Variants in PCNX2 observed in about 807,000 individuals in gnomAD.
PCNX2 encodes the protein pecanex 2.
Under a neutral mutation model 223.8 loss-of-function variants are expected in PCNX2, and 168 were observed. The observed-to-expected ratio is 0.75, with a 90% CI of 0.66 to 0.85. The LOEUF (loss-of-function observed/expected upper bound fraction) is 0.85. PCNX2 is among the 40% of genes least tolerant of loss of function. PCNX2 has a pLI of 0.00. For missense variants in PCNX2, 2,507 were observed against 2,675.5 expected, an observed-to-expected ratio of 0.94 and a Z score of 1.39; for synonymous variants, 1,006 against 1,052.6, an observed-to-expected ratio of 0.96 and a Z score of 0.86.
rs141102546 is a variant in PCNX2 at position 233,117,021 on chromosome 1, A to G, written c.3837+17992T>C. On this transcript the variant is annotated intron_variant, in intron 21 of 33. Transcript: ENST00000258229. ...TATGAACAACAACACATAGTACAAC[A>G]GAACAATAGTAAATTTGTCAATTTA... Among the ~76,000 whole-genome samples the G allele has an allele frequency of 1.8e-3, 269 of 152,354 alleles. 2 individuals carry two copies. Among genetic ancestry groups the G allele is most frequent in the Middle Eastern group, 6.8e-3 (2 of 294 alleles).
chr1:233,184,652 T>C (rs935368897), intron 15 of PCNX2, among the ~76,000 whole-genome samples: 2 of 152,224 alleles, frequency 1.3e-5, no homozygotes, highest in Non-Finnish European at 2.9e-5. Context: ...GTTTCTGTCC[T>C]ATATTAGTAG....
At chr1:233,078,022 A>C (rs1052925646) in intron 23 of PCNX2, among the ~76,000 whole-genome samples, 4 of 152,236 alleles carry the variant, frequency 2.6e-5, no homozygotes, top group African/African-American at 9.6e-5. Flanking sequence ...CTGTGTACCA[A>C]GAAGCAGCAA....
chr1:233,003,953 G>T (rs988947331), intron 28 of PCNX2, among the ~76,000 whole-genome samples: 1 of 152,066 alleles, frequency 6.6e-6, no homozygotes, highest in South Asian at 2.1e-4. Flanking sequence ...CCTGAACAAC[G>T]AGAACACATG....
At chr1:233,177,504 C>T (rs1297681096) in intron 17 of PCNX2, among the ~76,000 whole-genome samples, 3 of 152,182 alleles carry the variant, frequency 2.0e-5, no homozygotes, top group African/African-American at 4.8e-5. Flanking sequence ...GTTTGGTGTA[C>T]TCTCATGGCA....
the PCNX2 span, among the ~76,000 whole-genome samples, chr1:233,307,848 C>T: frequency 6.6e-6 from 1 of 152,158 alleles, no homozygotes; most frequent in Non-Finnish European, 1.5e-5. Context: ...GAGTTCAGAG[C>T]CCACGCTCCA....
At chr1:233,264,139 T>TGGA (rs1480049493) in intron 1 of PCNX2, among the ~76,000 whole-genome samples, 1 of 152,162 alleles carries the variant, frequency 6.6e-6, no homozygotes, top group Non-Finnish European at 1.5e-5. Flanking sequence ...CTGGGACCCG[T>TGGA]GGAGTTGTCC....
intron 15 of PCNX2, among the ~76,000 whole-genome samples, chr1:233,190,061 C>G (rs1249752733): frequency 6.6e-6 from 1 of 152,132 alleles, no homozygotes; most frequent in Non-Finnish European, 1.5e-5. Context: ...GTCTCTGAAT[C>G]TGCTTCTACC....
At chr1:233,239,284 A>G (rs936679210) in intron 8 of PCNX2, among the ~76,000 whole-genome samples, 1 of 152,226 alleles carries the variant, frequency 6.6e-6, no homozygotes, top group Non-Finnish European at 1.5e-5. Context: ...TGACTACGAC[A>G]TAATGTGTAA....
At chr1:233,143,375 G>A (rs1252556749) in intron 19 of PCNX2, among the ~76,000 whole-genome samples, 1 of 152,150 alleles carries the variant, frequency 6.6e-6, no homozygotes, top group African/African-American at 2.4e-5. Context: ...TGATGCAGTA[G>A]GTCTGGAATG....
intron 9 of PCNX2, 43 bp downstream of exon 9, chr1:233,236,802 G>GT: frequency 6.3e-7 from 1 of 1,597,786 alleles, no homozygotes; most frequent in African/African-American, 1.4e-5. Flanking sequence ...AAGATCCCCT[G>GT]TTTCCAGAAC....
At chr1:233,315,438 C>A in the PCNX2 span, among the ~76,000 whole-genome samples, 1 of 152,062 alleles carries the variant, frequency 6.6e-6, no homozygotes, top group African/African-American at 2.4e-5. Context: ...TCATTGTAGT[C>A]ATTATATAGT....
rs954764204 is a variant in PCNX2 at position 233,253,134 on chromosome 1, T to G, written c.1835-346A>C. 6.6e-6 allele frequency among the ~76,000 whole-genome samples: 1 copy of G among 152,198 alleles called. No homozygotes were observed. The highest frequency in any genetic ancestry group is 2.4e-5 in the African/African-American group (1 of 41,442). On this transcript the variant is annotated intron_variant, in intron 5 of 33. Coordinates refer to ENST00000258229, the MANE Select transcript of PCNX2 (RefSeq NM_014801.4). The surrounding 1 kb of genome is among the most constrained non-coding windows in gnomAD (Gnocchi z 4.2). ...TACATAGGTCTGAAAGGTTCATATC[T>G]CATAAATGAATAACTTCAGATTTTA...
chr1:233,166,009 T>A (rs1678771626), intron 17 of PCNX2, among the ~76,000 whole-genome samples: 1 of 152,012 alleles, frequency 6.6e-6, no homozygotes, highest in Non-Finnish European at 1.5e-5. Flanking sequence ...TTGGTGCAAA[T>A]ACACATCTAG....
chr1:233,230,268 A>T (rs975807721), intron 9 of PCNX2, among the ~76,000 whole-genome samples: 3 of 152,178 alleles, frequency 2.0e-5, no homozygotes, highest in Admixed American at 2.0e-4. Flanking sequence ...GGGAGAAGGC[A>T]TGGAGTAAAG....
chr1:233,231,635 G>C, intron 9 of PCNX2: 6 of 984,172 alleles, frequency 6.1e-6, no homozygotes, highest in Non-Finnish European at 7.2e-6. Flanking sequence ...AAAGGGCAGG[G>C]GATAGGGAGA....
At chr1:233,063,591 C>G (rs1672485043) in intron 23 of PCNX2, among the ~76,000 whole-genome samples, 1 of 152,056 alleles carries the variant, frequency 6.6e-6, no homozygotes, top group African/African-American at 2.4e-5. Context: ...GCTGTGAAAC[C>G]TCACTATTTT....
intron 23 of PCNX2, among the ~76,000 whole-genome samples, chr1:233,074,059 CTTAGAACCATTGGTTGTGTG>C (rs561734068): frequency 1.7e-3 from 264 of 152,210 alleles, no homozygotes; most frequent in African/African-American, 6.1e-3. Flanking sequence ...GAGATTTCTT[CTTAGAACCATTGGTTGTGTG>C]TTTTAATTTA....
chr1:233,176,352 CCTT>C lies in PCNX2; in HGVS notation c.3273+1447_3273+1449del, dbSNP rs1425912684. Among the ~76,000 whole-genome samples, 5 of 152,212 alleles carry C rather than the reference CCTT, an allele frequency of 3.3e-5. No homozygotes were observed. In the South Asian group the frequency reaches 6.2e-4, roughly 19 times the overall value. Reference sequence around the variant, plus strand: ...GATTCTCTTGTTCCTTCCTTTCTCTCCTTCTTCCTTTTCTTCTCCCGTGCTCCA... The same window carrying C: ...GATTCTCTTGTTCCTTCCTTTCTCTCCTTCCTTTTCTTCTCCCGTGCTCCA... On this transcript the variant is annotated intron_variant, in intron 17 of 33. Coordinates refer to ENST00000258229, the MANE Select transcript of PCNX2 (RefSeq NM_014801.4).
At chr1:233,111,448 G>GT (rs1324841927) in intron 21 of PCNX2, among the ~76,000 whole-genome samples, 1 of 152,024 alleles carries the variant, frequency 6.6e-6, no homozygotes, top group African/African-American at 2.4e-5. Context: ...TTGCTCTGTT[G>GT]TCCAGGCTGG....
Sources: allele counts gnomAD v4.1 joint callset (sites outside exome capture counted in the v4.1 genomes callset), GRCh38; gene constraint gnomAD v4.1.1; non-coding constraint Gnocchi (gnomAD v3.1); transcripts MANE v1.5; gene names NCBI Gene and HGNC (gene_info 2026-07-23, HGNC 2026-07-21).